Variants in MICALL2 observed in about 807,000 individuals in gnomAD.
MICALL2 encodes MICAL-like protein 2.
A neutral mutation model predicts 91.1 loss-of-function variants in MICALL2; 111 were observed. The observed-to-expected ratio is 1.22, with a 90% confidence interval of 1.04 to 1.43. MICALL2 has a LOEUF of 1.43. MICALL2 is among the 40% of genes most tolerant of loss of function. The probability of loss-of-function intolerance (pLI) is 0.00; values close to 1 mark genes in which losing one functional copy is unlikely to be tolerated. For missense variants in MICALL2, 1,556 were observed against 1,236.0 expected (o/e 1.26, Z -3.88); for synonymous variants, 694 against 525.3 (o/e 1.32, Z -4.39).
chr7:1,438,174 T>C lies in MICALL2; in HGVS notation c.2234A>G (p.Gln745Arg). The change falls in exon 12 of 17, where the codon CAG becomes CGG. Residue 745 changes from glutamine (Q) to arginine (R), a missense_variant. Physicochemically the swap from Gln to Arg is conservative, Grantham distance 43 (BLOSUM62 1). Transcript: ENST00000297508. Reference sequence around the variant, plus strand: ...GGCGTCCAGCCGCCTCTCGATGTCCTGCAGCTGCCTCTGTATCTCCTCCGG... The same window carrying C: ...GGCGTCCAGCCGCCTCTCGATGTCCCGCAGCTGCCTCTGTATCTCCTCCGG... ...LSPEEIQRQL[Q>R]DIERRLDALE... The C allele has an allele frequency of 2.5e-6, 4 of 1,570,294 alleles. No individual in the cohort carries two copies. Among genetic ancestry groups the C allele is most frequent in the Non-Finnish European group, 3.5e-6 (4 of 1,157,738 alleles).
intron 5 of MICALL2, 176 bp downstream of exon 5, chr7:1,446,537 G>A (rs1780593051): frequency 3.6e-6 from 2 of 562,950 alleles, no homozygotes; most frequent in Admixed American, 5.3e-5. Flanking sequence ...GGGGAGGAGA[G>A]GGGAGGAGGC....
In MICALL2 at chr7:1,452,810, T is replaced by C. The variant is rs1197241208; in HGVS notation, c.144-2522A>G. ...CGCGGCCTCAGGATGAGGTTCAAGC[T>C]GCATTCGGGGCGTTTGAGGCCTATT... On this transcript the variant is annotated intron_variant, in intron 1 of 16. Transcript: ENST00000297508. The surrounding 1 kb of genome is among the most constrained non-coding windows in gnomAD (Gnocchi z 6.2). Among the ~76,000 whole-genome samples, 2 of 152,116 alleles carry C rather than the reference T, an allele frequency of 1.3e-5. No homozygotes were observed. The highest frequency in any genetic ancestry group is 1.5e-5 in the Non-Finnish European group (1 of 68,014).
intron 5 of MICALL2, among the ~76,000 whole-genome samples, chr7:1,446,485 A>G (rs1490993730): frequency 4.3e-5 from 4 of 92,192 alleles, no homozygotes; most frequent in Non-Finnish European, 9.2e-5. Flanking sequence ...GAGGAGAAGG[A>G]AGGGAGGATG....
Position 1,450,374 on chromosome 7 carries a change from CAG to C in MICALL2, c.144-88_144-87del, listed in dbSNP as rs1780782262. The C allele has an allele frequency of 1.2e-5, 14 of 1,141,554 alleles. No homozygotes were observed. In the South Asian group the frequency reaches 1.6e-4, roughly 13 times the overall value. 70.7% of individuals were successfully genotyped at this position (1,141,554 alleles called of 1,614,324 possible). ...GGCCTCAGAGGTCATCTTGCCCAAA[CAG>C]AGAAACCGAGGCCAGGATGGGGGGC... On this transcript the variant is annotated intron_variant, in intron 1 of 16. Coordinates refer to ENST00000297508, the MANE Select transcript of MICALL2 (RefSeq NM_182924.4).
Position 1,436,811 on chromosome 7 carries a change from A to T in MICALL2, c.2522T>A (p.Leu841Gln), listed in dbSNP as rs1779988580. The change falls in exon 15 of 17, where the codon CTG becomes CAG. Residue 841 changes from leucine (L) to glutamine (Q), a missense_variant. Coordinates refer to ENST00000297508, the MANE Select transcript of MICALL2 (RefSeq NM_182924.4). The stretch of plus-strand genomic sequence containing the variant: ...GTTCACGGTGCTCACGTACTGCTCC[A>T]GCAGCTCCTGCTCCCGCCGCCGCTC... ...LQERRREQELLEQYVSTVNDR... is the reference protein window; with the variant it reads ...LQERRREQELQEQYVSTVNDR... The T allele has an allele frequency of 1.2e-6, 2 of 1,607,010 alleles. No individual in the cohort carries two copies. Among genetic ancestry groups the T allele is most frequent in the Non-Finnish European group, 1.7e-6 (2 of 1,177,894 alleles).
chr7:1,441,501 C>T (rs1448329922), intron 7 of MICALL2: 1 of 152,962 alleles, frequency 6.5e-6, no homozygotes, highest in Admixed American at 6.5e-5. Flanking sequence ...TTCCCGAAAA[C>T]ACGTGAGGCC....
intron 7 of MICALL2, 87 bp from the exon 8 acceptor site, chr7:1,440,771 C>G (rs1780243531): frequency 6.2e-6 from 7 of 1,123,420 alleles, no homozygotes; most frequent in Non-Finnish European, 2.6e-6. Context: ...CCCCTGCCAT[C>G]TTCCCATAGC....
chr7:1,446,621 A>T (rs1181672854), intron 5 of MICALL2, 92 bp downstream of exon 5: 1 of 712,220 alleles, frequency 1.4e-6, no homozygotes, highest in Non-Finnish European at 2.2e-6. Flanking sequence ...AGGAGCGGGG[A>T]GGAGGAGGCC....
chr7:1,447,501 A>T, intron 4 of MICALL2, 74 bp downstream of exon 4: 1 of 912,578 alleles, frequency 1.1e-6, no homozygotes, highest in South Asian at 1.8e-5. Flanking sequence ...GGCCGCACGT[A>T]GTCCCACAAG....
At position 1,444,961 on chromosome 7, in the gene MICALL2, T is replaced by C. The variant is rs946973880; in HGVS notation, c.1109A>G (p.Asp370Gly). Reference sequence around the variant, plus strand: ...ACCCTGGGGTGTGGCCGGGCGAGGGTCTGGGGCACTCGGGGGCACGGCGGG... The same window carrying C: ...ACCCTGGGGTGTGGCCGGGCGAGGGCCTGGGGCACTCGGGGGCACGGCGGG... ...SHPAVPPSAP[D>G]PRPATPQGGG... Residue 370 changes from aspartate to glycine, a missense_variant, in exon 6 of 17, where the codon GAC (aspartate) becomes GGC (glycine). Asp to Gly is a moderately conservative substitution (Grantham distance 94). Transcript: ENST00000297508. 6.0e-6 allele frequency: 9 copies of C among 1,508,792 alleles called. No homozygotes were observed. The highest frequency in any genetic ancestry group is 6.2e-6 in the Non-Finnish European group (7 of 1,129,548). 93.5% of individuals were successfully genotyped at this position (1,508,792 alleles called of 1,614,324 possible).
At chr7:1,435,693 G>A (rs1216660357) in intron 15 of MICALL2, among the ~76,000 whole-genome samples, 1 of 152,274 alleles carries the variant, frequency 6.6e-6, no homozygotes, top group African/African-American at 2.4e-5. Flanking sequence ...CAGGAAAGCT[G>A]TCGGGGACAG....
chr7:1,453,007 T>C (rs1780891310), intron 1 of MICALL2, among the ~76,000 whole-genome samples: 2 of 151,662 alleles, frequency 1.3e-5, no homozygotes, highest in African/African-American at 4.8e-5. Flanking sequence ...CAGATGCACC[T>C]TGCTGTCCCC....
chr7:1,445,531 TTG>T, intron 5 of MICALL2, 103 bp from the exon 6 acceptor site: 3 of 1,179,304 alleles, frequency 2.5e-6, no homozygotes, highest in Non-Finnish European at 3.5e-6. Context: ...CTGTGTCCAC[TTG>T]CGAGGTTGCT....
At chr7:1,436,121 G>A (rs1336185713) in intron 15 of MICALL2, among the ~76,000 whole-genome samples, 11 of 151,678 alleles carry the variant, frequency 7.3e-5, no homozygotes, top group Admixed American at 7.2e-4. Flanking sequence ...CAGTTACGGT[G>A]GCTCATGCCT....
At chr7:1,440,789 C>T (rs920623426) in intron 7 of MICALL2, 105 bp from the exon 8 acceptor site, 12 of 921,412 alleles carry the variant, frequency 1.3e-5, no homozygotes, top group Non-Finnish European at 2.0e-5. Context: ...AGCCACTCCA[C>T]CCTCAGACAC....
At position 1,448,510 on chromosome 7, in the gene MICALL2, T is replaced by C. The variant is rs544452949; in HGVS notation, c.334+110A>G. On this transcript the variant is annotated intron_variant, in intron 3 of 16. Transcript: ENST00000297508. ...CCCCGGTGCCCATGCCAGGGGCCAT[T>C]CTTGGGGGGGGGGCTGGGCATGGAC... 5.3e-3 allele frequency: 5,478 copies of C among 1,029,234 alleles called. 68 individuals carry two copies. The highest frequency in any genetic ancestry group is 4.0e-3 in the Non-Finnish European group (2,733 of 676,718). The allele number at this position is 1,029,234 out of a possible 1,614,324, so 63.8% of individuals were successfully genotyped here.
chr7:1,446,643 G>T (rs951449355), intron 5 of MICALL2, 70 bp downstream of exon 5: 1 of 1,167,464 alleles, frequency 8.6e-7, no homozygotes, highest in Non-Finnish European at 1.2e-6. Context: ...GGTGGGAGGC[G>T]ATGGGAGCTG....
At chr7:1,449,935 G>A (rs2128524348) in intron 2 of MICALL2, among the ~76,000 whole-genome samples, 1 of 90,534 alleles carries the variant, frequency 1.1e-5, no homozygotes, top group African/African-American at 4.6e-5. Flanking sequence ...TTCTGCCTGA[G>A]GCAGACTGGG....
Position 1,440,013 on chromosome 7 carries a change from G to T in MICALL2, c.1878C>A (p.Gly626=). The part of the protein sequence containing the change: ...RAGEAPRKVS[G]SFAGSVHITL... ...TGATGTGGACACTCCCAGCAAAGCT[G>T]CCTGAGACCTTCCTGGGGGCCTCCC... The change falls in exon 9 of 17, where the codon GGC becomes GGA. Residue 626 remains glycine (G), a synonymous_variant. Coordinates refer to ENST00000297508, the MANE Select transcript of MICALL2 (RefSeq NM_182924.4). The T allele has an allele frequency of 6.4e-7, 1 of 1,565,258 alleles. No individual in the cohort carries two copies. Among genetic ancestry groups the T allele is most frequent in the Admixed American group, 2.1e-5 (1 of 46,824 alleles).
Sources: gnomAD v4.1 joint callset for allele counts (sites outside exome capture counted in the v4.1 genomes callset) on GRCh38, gnomAD v4.1.1 for gene constraint, Gnocchi (gnomAD v3.1) non-coding constraint, MANE v1.5 for transcripts, NCBI Gene and HGNC (gene_info 2026-07-23, HGNC 2026-07-21) for gene names.